The following RUFY2 variants were observed in gnomAD, a reference collection of about 807,000 sequenced individuals.
RUFY2 encodes the protein RUN and FYVE domain containing 2, also known as RUN and FYVE domain-containing protein 2.
RUFY2 carries 49 observed loss-of-function variants against 94.4 expected under a neutral mutation model. The ratio of observed to expected loss-of-function variants is 0.52; its 90% CI spans 0.41 to 0.66. RUFY2 has a LOEUF of 0.66. RUFY2 is among the 30% of genes least tolerant of loss of function. The probability of loss-of-function intolerance (pLI) is 0.00; values close to 1 mark genes in which losing one functional copy is unlikely to be tolerated. For synonymous variants in RUFY2, 255 were observed against 235.7 expected, an observed-to-expected ratio of 1.08 and a Z score of -0.75; for missense variants, 541 against 692.8, an observed-to-expected ratio of 0.78 and a Z score of 2.46.
rs1422197721 is a variant in RUFY2 at position 68,344,347 on chromosome 10, T to A, written c.*1421A>T. 6.6e-6 allele frequency: 1 copy of A among 152,190 alleles called. No homozygotes were observed. Among genetic ancestry groups the A allele is most frequent in the Admixed American group, 6.5e-5 (1 of 15,272 alleles). The allele number at this position is 152,190 out of a possible 1,614,324, so 9.4% of individuals were successfully genotyped here. ...TAACCACTAAATATAATGCTCTTAA[T>A]CCATAAATTTTCTATGTATTTTTTA... is the stretch of plus-strand genomic sequence containing the variant. On this transcript the variant is annotated 3_prime_UTR_variant, in exon 18 of 18. Coordinates refer to ENST00000602465, the MANE Select transcript of RUFY2 (RefSeq NM_001330103.2).
rs116370138 is a variant in RUFY2 at position 68,374,864 on chromosome 10, C to T, written c.1325+1989G>A. 6.2e-3 allele frequency among the ~76,000 whole-genome samples: 942 copies of T among 152,090 alleles called. 16 individuals carry two copies. The highest frequency in any genetic ancestry group is 0.022 in the African/African-American group (905 of 41,458). On this transcript the variant is annotated intron_variant, in intron 13 of 17. Transcript: ENST00000602465. ...ATGTTTATAAAATAAAACTAAAATG[C>T]CCCTGTCAACCTCAACCTGCCAGCA... is the stretch of plus-strand genomic sequence containing the variant.
Position 68,346,015 on chromosome 10 carries a change from TAG to T in RUFY2, c.1667_1668del (p.Ser556Ter), listed in dbSNP as rs774863980. 2.5e-6 allele frequency: 4 copies of T among 1,613,792 alleles called. No individual in the cohort carries two copies. In the African/African-American group the frequency reaches 5.3e-5, roughly 22 times the overall value. On this transcript the variant is annotated frameshift_variant, in exon 17 of 18. Coordinates refer to ENST00000602465, the MANE Select transcript of RUFY2 (RefSeq NM_001330103.2). LOFTEE classifies it high-confidence loss of function. ...CTTCTTATCTCCCTTACCTTTCTCTTAGAGAGTGAGAATTCCTTTTCACAAAG... is the reference window on the plus strand; with the variant it reads ...CTTCTTATCTCCCTTACCTTTCTCTTAGAGTGAGAATTCCTTTTCACAAAG... ...CKLCEKEFSL[S>X]KRKHHCRNCG...
At chr10:68,366,739 AAT>A (rs35377318) in intron 13 of RUFY2, among the ~76,000 whole-genome samples, 9,406 of 117,782 alleles carry the variant, frequency 0.08, 631 homozygotes, top group Non-Finnish European at 0.11. Context: ...GAGACTCTAA[AAT>A]ATATATATAT....
chr10:68,397,771 C>T lies in RUFY2; in HGVS notation c.297-890G>A, dbSNP rs180902678. On this transcript the variant is annotated intron_variant, in intron 3 of 17. Coordinates refer to ENST00000602465, the MANE Select transcript of RUFY2 (RefSeq NM_001330103.2). ...CAAGCCTGGGTGATAGAGTGAGACC[C>T]TGTCTCAGAAAAAAAAAAGAAATAT... Among the ~76,000 whole-genome samples the T allele has an allele frequency of 6.2e-3, 936 of 151,244 alleles. 17 individuals are homozygous for T. Among genetic ancestry groups the T allele is most frequent in the African/African-American group, 0.022 (898 of 41,224 alleles).
chr10:68,398,609 G>A (rs1002848851), intron 3 of RUFY2, among the ~76,000 whole-genome samples: 18 of 151,180 alleles, frequency 1.2e-4, no homozygotes, highest in Non-Finnish European at 2.5e-4. Flanking sequence ...CCAAGATCCC[G>A]CCACTGCACT....
chr10:68,367,395 C>T (rs953393023), intron 13 of RUFY2, among the ~76,000 whole-genome samples: 12 of 152,136 alleles, frequency 7.9e-5, no homozygotes, highest in African/African-American at 2.2e-4. Flanking sequence ...GACTTAAATG[C>T]TCCTTGTAAC....
rs1397870498 is a variant in RUFY2, at chr10:68,345,303, A to G, written c.*465T>C. The G allele has an allele frequency of 1.1e-5, 3 of 261,432 alleles. No individual in the cohort carries two copies. The highest frequency in any genetic ancestry group is 6.6e-5 in the African/African-American group (3 of 45,746). 16.2% of individuals were successfully genotyped at this position (261,432 alleles called of 1,614,324 possible). On this transcript the variant is annotated 3_prime_UTR_variant, in exon 18 of 18. Transcript: ENST00000602465. ...GAGGGGGAGAAGAAAGGGCAAATAA[A>G]TATAGTTGAAATCTTACAAAGATAA...
downstream of RUFY2, chr10:68,341,986 G>T (rs766648538): frequency 1.9e-6 from 3 of 1,613,856 alleles, no homozygotes; most frequent in Admixed American, 5.0e-5. Flanking sequence ...AGGCCGTGGT[G>T]GTGGAGGCAG....
intron 4 of RUFY2, among the ~76,000 whole-genome samples, chr10:68,395,359 G>A (rs1291024520): frequency 6.6e-6 from 1 of 150,690 alleles, no homozygotes; most frequent in African/African-American, 2.5e-5. Context: ...AAAAAAAAAA[G>A]AGGCAACACT....
chr10:68,355,270 T>C (rs965412678), intron 16 of RUFY2, 83 bp downstream of exon 16: 1 of 991,056 alleles, frequency 1.0e-6, no homozygotes, highest in Non-Finnish European at 1.6e-6. Flanking sequence ...CTGGGGTTAA[T>C]AATACATTAG....
intron 1 of RUFY2, chr10:68,405,636 C>T (rs2133291451): frequency 3.4e-6 from 3 of 873,616 alleles, no homozygotes; most frequent in Admixed American, 1.2e-4. Context: ...ATTCCAGTGT[C>T]ATCCACAACA....
At chr10:68,370,565 T>G (rs2048199117) in intron 13 of RUFY2, among the ~76,000 whole-genome samples, 1 of 151,366 alleles carries the variant, frequency 6.6e-6, no homozygotes, top group Non-Finnish European at 1.5e-5. Context: ...AAGGATCACT[T>G]GAGTCCAGAA....
chr10:68,359,468 CTATA>C (rs1351000247), intron 15 of RUFY2, among the ~76,000 whole-genome samples: 1 of 124,658 alleles, frequency 8.0e-6, no homozygotes, highest in Non-Finnish European at 1.8e-5. Flanking sequence ...AGTAATGCTA[CTATA>C]TATAAAAATA....
At chr10:68,386,561 G>A (rs2049514553) in intron 7 of RUFY2, among the ~76,000 whole-genome samples, 1 of 152,080 alleles carries the variant, frequency 6.6e-6, no homozygotes, top group South Asian at 2.1e-4. Context: ...TGTTGGTCAG[G>A]CTGGTCTTGA....
At chr10:68,379,692 T>C (rs1271698755) in intron 11 of RUFY2, among the ~76,000 whole-genome samples, 171 bp from the exon 12 acceptor site, 1 of 152,068 alleles carries the variant, frequency 6.6e-6, no homozygotes, top group Non-Finnish European at 1.5e-5. Context: ...AGTTCTGATC[T>C]GTTAACCTGA....
At chr10:68,355,268 A>T in intron 16 of RUFY2, 85 bp downstream of exon 16, 2 of 967,054 alleles carry the variant, frequency 2.1e-6, no homozygotes, top group Non-Finnish European at 3.3e-6. Flanking sequence ...TCCTGGGGTT[A>T]ATAATACATT....
In RUFY2 at chr10:68,353,718, G is replaced by C. The variant is rs182661876; in HGVS notation, c.1599+1635C>G. Among the ~76,000 whole-genome samples, 6 of 152,130 alleles carry C rather than the reference G, an allele frequency of 3.9e-5. No individual in the cohort carries two copies. The East Asian group carries it at 1.2e-3, about 29-fold the overall frequency. ...GGAGGCTGAGGCAAGAGGACAGCTT[G>C]AGCCCAGGAGTTTGAGACTGCAGTG... On this transcript the variant is annotated intron_variant, in intron 16 of 17. Transcript: ENST00000602465.
At chr10:68,401,232 C>A (rs561645620) in intron 3 of RUFY2, among the ~76,000 whole-genome samples, 1 of 152,310 alleles carries the variant, frequency 6.6e-6, no homozygotes, top group South Asian at 2.1e-4. Context: ...TATCTGAGAA[C>A]TGGAATATCC....
At chr10:68,368,041 C>A (rs1263058201) in intron 13 of RUFY2, among the ~76,000 whole-genome samples, 1 of 151,424 alleles carries the variant, frequency 6.6e-6, no homozygotes, top group Non-Finnish European at 1.5e-5. Context: ...CCTCAGCGCA[C>A]TGCAACCTCC....
Sources: gnomAD v4.1 joint callset for allele counts (sites outside exome capture counted in the v4.1 genomes callset) on GRCh38, gnomAD v4.1.1 for gene constraint, MANE v1.5 for transcripts, NCBI Gene and HGNC (gene_info 2026-07-23, HGNC 2026-07-21) for gene names.